ECM2: variants seen among roughly 807,000 people sequenced by gnomAD.
ECM2 encodes extracellular matrix protein 2.
Under a neutral mutation model 67.5 loss-of-function variants are expected in ECM2, and 57 were observed. The ratio of observed to expected loss-of-function variants is 0.84; its 90% CI spans 0.68 to 1.05. The LOEUF (loss-of-function observed/expected upper bound fraction) is 1.05. Ranked by LOEUF, ECM2 falls within the 50% of genes least tolerant of loss-of-function variation. The pLI, the probability that ECM2 is intolerant of heterozygous loss-of-function variation, is 0.00. For synonymous variants in ECM2, 258 were observed against 294.5 expected, an observed-to-expected ratio of 0.88 and a Z score of 1.27; for missense variants, 741 against 822.8, an observed-to-expected ratio of 0.90 and a Z score of 1.22.
At chr9:92,539,227 G>C (rs1849258789), upstream of ECM2, 1 of 152,146 alleles carries the variant, frequency 6.6e-6, no homozygotes, top group African/African-American at 2.4e-5. Context: ...GCATTAGACT[G>C]TAAATCTAAG....
upstream of ECM2, among the ~76,000 whole-genome samples, chr9:92,538,029 C>G (rs1220168070): frequency 6.6e-6 from 1 of 152,104 alleles, no homozygotes; most frequent in African/African-American, 2.4e-5. Context: ...AAACTCTCCT[C>G]TTCCTTGAGG....
At chr9:92,526,017 G>A (rs968292694) in intron 1 of ECM2, among the ~76,000 whole-genome samples, 1 of 151,362 alleles carries the variant, frequency 6.6e-6, no homozygotes, top group Non-Finnish European at 1.5e-5. Context: ...TTGTTTTAGA[G>A]TACATGCCTT....
rs1276256204 is a variant in ECM2, at chr9:92,533,311, A to C, written c.-28+2622T>G. Reference sequence around the variant, plus strand: ...TGAGACTCGGTCTCAAACAAAAAAAAAAAAAAAAAAAAAAAAAATATATAT... The same window carrying C: ...TGAGACTCGGTCTCAAACAAAAAAACAAAAAAAAAAAAAAAAAATATATAT... On this transcript the variant is annotated intron_variant, in intron 1 of 9. Coordinates refer to ENST00000344604, the MANE Select transcript of ECM2 (RefSeq NM_001393.4). Among the ~76,000 whole-genome samples the C allele has an allele frequency of 9.3e-4, 81 of 87,436 alleles. 2 individuals are homozygous for C. The highest frequency in any genetic ancestry group is 2.3e-3 in the South Asian group (5 of 2,138). 57.4% of individuals were successfully genotyped at this position (87,436 alleles called of 152,430 possible).
At chr9:92,517,634 G>T in intron 3 of ECM2, 53 bp downstream of exon 3, 1 of 1,602,606 alleles carries the variant, frequency 6.2e-7, no homozygotes, top group Non-Finnish European at 8.5e-7. Flanking sequence ...AAAAACAAAT[G>T]GAAGTTAAAG....
chr9:92,550,470 T>C, the ECM2 span, among the ~76,000 whole-genome samples: 1 of 152,158 alleles, frequency 6.6e-6, no homozygotes, highest in African/African-American at 2.4e-5. Context: ...AATGAAATAG[T>C]TCAGTTTCTT....
At chr9:92,511,307 A>C (rs933837485) in intron 5 of ECM2, among the ~76,000 whole-genome samples, 1 of 152,020 alleles carries the variant, frequency 6.6e-6, no homozygotes, top group African/African-American at 2.4e-5. Context: ...TTGTATTTTT[A>C]GTAGAGACGG....
chr9:92,546,388 G>A, the ECM2 span, among the ~76,000 whole-genome samples: 1 of 152,160 alleles, frequency 6.6e-6, no homozygotes. Context: ...AAATCTTGCT[G>A]CTGCTCACTC....
chr9:92,556,225 G>C, the ECM2 span, among the ~76,000 whole-genome samples: 3 of 152,110 alleles, frequency 2.0e-5, no homozygotes, highest in East Asian at 5.8e-4. Flanking sequence ...TTGATTTCCA[G>C]TTTTATTCCA....
the ECM2 span, among the ~76,000 whole-genome samples, chr9:92,541,986 G>T: frequency 2.0e-5 from 3 of 152,032 alleles, no homozygotes; most frequent in Non-Finnish European, 4.4e-5. Flanking sequence ...TAGAGATGGG[G>T]TTTCATTATC....
Position 92,522,981 on chromosome 9 carries a change from G to A in ECM2, c.-27-88C>T, listed in dbSNP as rs1848171510. 2.8e-5 allele frequency: 35 copies of A among 1,270,688 alleles called. No homozygotes were observed. The South Asian group carries it at 5.2e-4, about 19-fold the overall frequency. 78.7% of individuals were successfully genotyped at this position (1,270,688 alleles called of 1,614,324 possible). ...ATATATTTGCTTGTATGCCTCAGTAGGCAAGTCTTTGAGAAATTACACTTA... is the reference window on the plus strand; with the variant it reads ...ATATATTTGCTTGTATGCCTCAGTAAGCAAGTCTTTGAGAAATTACACTTA... On this transcript the variant is annotated intron_variant, in intron 1 of 9. Coordinates refer to ENST00000344604, the MANE Select transcript of ECM2 (RefSeq NM_001393.4).
chr9:92,522,684 A>G lies in ECM2; in HGVS notation c.183T>C (p.Phe61=), dbSNP rs982023513. ...RQLGIQQTTV[F]TPVARLPIVN... ...CAATAGGAAGTCTTGCTACTGGTGT[A>G]AAAACTGTTGTTTGCTGAATTCCAA... The change falls in exon 2 of 10, where the codon TTT becomes TTC. Residue 61 remains phenylalanine, a synonymous_variant. Coordinates refer to ENST00000344604, the MANE Select transcript of ECM2 (RefSeq NM_001393.4). 3.7e-6 allele frequency: 6 copies of G among 1,614,168 alleles called. No homozygotes were observed. Among genetic ancestry groups the G allele is most frequent in the Admixed American group, 1.7e-5 (1 of 60,028 alleles).
upstream of ECM2, among the ~76,000 whole-genome samples, chr9:92,537,003 G>T (rs964154491): frequency 4.2e-4 from 64 of 151,340 alleles, no homozygotes; most frequent in Admixed American, 3.8e-3. Context: ...CCGAGTAGGT[G>T]GGCTTAAAGG....
the ECM2 span, among the ~76,000 whole-genome samples, chr9:92,555,533 A>G: frequency 6.6e-6 from 1 of 151,980 alleles, no homozygotes; most frequent in Non-Finnish European, 1.5e-5. Flanking sequence ...CTGGCCAGTA[A>G]TTTTTTAATT....
chr9:92,496,391 C>G lies in ECM2; in HGVS notation c.2024G>C (p.Arg675Thr). 2 of 1,610,320 alleles carry G rather than the reference C, an allele frequency of 1.2e-6. No homozygotes were observed. Among genetic ancestry groups the G allele is most frequent in the Middle Eastern group, 1.7e-4 (1 of 6,036 alleles). ...TGAAAATGTGTAAGATGGTATTTCT[C>G]TAATTTTAATATAATTGTTTTCAAG... ...LHLENNYIKIREIPSYTFSCI... is the reference protein window; with the variant it reads ...LHLENNYIKITEIPSYTFSCI... Residue 675 changes from arginine (R) to threonine (T), a missense_variant, in exon 10 of 10, where the codon AGA becomes ACA. By Grantham distance (71) the Arg-to-Thr change is moderately conservative. Transcript: ENST00000344604.
chr9:92,519,618 T>G (rs1243805339), intron 2 of ECM2, among the ~76,000 whole-genome samples: 2 of 152,168 alleles, frequency 1.3e-5, no homozygotes, highest in Non-Finnish European at 2.9e-5. Flanking sequence ...TGAAGCTGAA[T>G]CCCTACCTTT....
rs759899599 is a variant in ECM2, at chr9:92,496,334, T to C, written c.2081A>G (p.Lys694Arg). 6 of 1,591,964 alleles carry C rather than the reference T, an allele frequency of 3.8e-6. No homozygotes were observed. Among genetic ancestry groups the C allele is most frequent in the Non-Finnish European group, 4.3e-6 (5 of 1,173,404 alleles). Reference protein sequence around the residue: ...CIRSYSSIVLKPQNIK With the variant: ...CIRSYSSIVLRPQNIK ...TTGGAATTACTTGATGTTTTGTGGT[T>C]TAAGAACGATACTTGAGTATGATCT... Residue 694 changes from lysine (K) to arginine (R), a missense_variant, in exon 10 of 10, where the codon AAA becomes AGA. Lys to Arg is a conservative substitution (Grantham distance 26). Coordinates refer to ENST00000344604, the MANE Select transcript of ECM2 (RefSeq NM_001393.4).
chr9:92,536,310 G>A (rs530540478), upstream of ECM2, among the ~76,000 whole-genome samples: 13 of 152,168 alleles, frequency 8.5e-5, no homozygotes, highest in African/African-American at 2.6e-4. Flanking sequence ...TAGACTATTC[G>A]CATTAAAAAT....
chr9:92,510,287 CA>C (rs1847256843), intron 5 of ECM2, among the ~76,000 whole-genome samples: 1 of 152,172 alleles, frequency 6.6e-6, no homozygotes. Context: ...GTTTATATTG[CA>C]GCTTTAGAAA....
At chr9:92,510,514 G>A (rs1226145767) in intron 5 of ECM2, among the ~76,000 whole-genome samples, 1 of 152,198 alleles carries the variant, frequency 6.6e-6, no homozygotes, top group African/African-American at 2.4e-5. Flanking sequence ...ACTAATTACT[G>A]TGGAAATTTT....
Sources: gnomAD v4.1 joint callset for allele counts (sites outside exome capture counted in the v4.1 genomes callset) on GRCh38, gnomAD v4.1.1 for gene constraint, MANE v1.5 for transcripts, NCBI Gene and HGNC (gene_info 2026-07-23, HGNC 2026-07-21) for gene names.